The following SMARCA2 variants were observed in gnomAD, a reference collection of about 807,000 sequenced individuals.
SMARCA2 encodes the protein SWI/SNF related BAF chromatin remodeling complex subunit ATPase 2.
In SMARCA2, 61 loss-of-function variants were observed where a neutral mutation model predicts 199.8. The observed-to-expected ratio is 0.31, with a 90% CI of 0.25 to 0.38. SMARCA2 has a LOEUF of 0.38. Among genes scored for constraint, SMARCA2 ranks in the 10% least tolerant of loss-of-function variants. The pLI is 1.00. For synonymous variants in SMARCA2, 935 were observed against 732.0 expected, an observed-to-expected ratio of 1.28 and a Z score of -4.48; for missense variants, 1,344 against 2,012.2, an observed-to-expected ratio of 0.67 and a Z score of 6.35.
In SMARCA2 at chr9:2,149,047, C is replaced by A. The variant is rs544069917; in HGVS notation, c.3982-12639C>A. Among the ~76,000 whole-genome samples, 67 of 151,088 alleles carry A rather than the reference C, an allele frequency of 4.4e-4. 1 individual carries two copies. The highest frequency in any genetic ancestry group is 1.5e-3 in the African/African-American group (61 of 41,016). On this transcript the variant is annotated intron_variant, in intron 27 of 33. Transcript: ENST00000349721. ...TAGCTAAGTGTGTTTATTAGTAAAA[C>A]CTGCCTGTATTAGTCTGTTTTCACA...
chr9:2,162,955 A>G (rs906163359), intron 28 of SMARCA2: 1 of 152,266 alleles, frequency 6.6e-6, no homozygotes, highest in Non-Finnish European at 1.5e-5. Context: ...AGAAGCAGTT[A>G]GTTACCAGAA....
chr9:2,044,799 G>A (rs1011258095), intron 4 of SMARCA2: 5 of 152,318 alleles, frequency 3.3e-5, no homozygotes, highest in African/African-American at 1.2e-4. Context: ...TTAAATTGGA[G>A]ACTGGAATAT....
chr9:2,099,483 TC>T (rs776350769), intron 21 of SMARCA2, among the ~76,000 whole-genome samples: 1 of 152,102 alleles, frequency 6.6e-6, no homozygotes, highest in Admixed American at 6.6e-5. Context: ...ATGCCTTCTG[TC>T]CTCCAGCTTC....
At chr9:2,179,012 G>T (rs906643001) in intron 29 of SMARCA2, among the ~76,000 whole-genome samples, 1 of 152,198 alleles carries the variant, frequency 6.6e-6, no homozygotes, top group Non-Finnish European at 1.5e-5. Flanking sequence ...ATATTTAGGA[G>T]AATTTCCTCC....
intron 4 of SMARCA2, chr9:2,041,569 G>C (rs962582281): frequency 1.0e-5 from 4 of 395,214 alleles, no homozygotes; most frequent in African/African-American, 8.2e-5. Flanking sequence ...TGGGAATTAG[G>C]ATTTTAACAT....
intron 31 of SMARCA2, among the ~76,000 whole-genome samples, chr9:2,184,952 C>A (rs1181157503): frequency 6.6e-6 from 1 of 152,050 alleles, no homozygotes; most frequent in African/African-American, 2.4e-5. Context: ...CTTTTTTGAA[C>A]GAGTAGGTCT....
At chr9:2,120,085 C>A (rs1249221953) in intron 26 of SMARCA2, among the ~76,000 whole-genome samples, 1 of 152,190 alleles carries the variant, frequency 6.6e-6, no homozygotes, top group Non-Finnish European at 1.5e-5. Context: ...TTGACGAGAG[C>A]CCGCTTAAAT....
chr9:2,084,122 C>G lies in SMARCA2; in HGVS notation c.2452C>G (p.Leu818Val). ...CATGCGTCGCTCCCTTGTCCCCCAG[C>G]TACGGAGTGGCAAATTCAATGTCCT... is the stretch of plus-strand genomic sequence containing the variant. The part of the protein sequence containing the change: ...PAMRRSLVPQ[L>V]RSGKFNVLLT... The change falls in exon 17 of 34, where the codon CTA becomes GTA. Residue 818 changes from leucine to valine, a missense_variant. Physicochemically the swap from Leu to Val is conservative, Grantham distance 32 (BLOSUM62 1). Coordinates refer to ENST00000349721, the MANE Select transcript of SMARCA2 (RefSeq NM_003070.5). 1.2e-6 allele frequency: 2 copies of G among 1,612,796 alleles called. No individual in the cohort carries two copies. Among genetic ancestry groups the G allele is most frequent in the Non-Finnish European group, 1.7e-6 (2 of 1,178,830 alleles).
intron 26 of SMARCA2, among the ~76,000 whole-genome samples, chr9:2,120,747 G>A (rs1268327998): frequency 6.6e-6 from 1 of 152,048 alleles, no homozygotes; most frequent in Non-Finnish European, 1.5e-5. Context: ...CTACTAAACT[G>A]GAATATGCAC....
At chr9:2,172,887 C>A (rs570448017) in intron 29 of SMARCA2, among the ~76,000 whole-genome samples, 1 of 152,032 alleles carries the variant, frequency 6.6e-6, no homozygotes, top group Non-Finnish European at 1.5e-5. Context: ...GATTTGTGTT[C>A]GGAAATGTCA....
chr9:2,081,759 C>A, intron 14 of SMARCA2, 73 bp from the exon 15 acceptor site: 1 of 1,405,392 alleles, frequency 7.1e-7, no homozygotes. Flanking sequence ...AAGTCACACC[C>A]TCACTTGGGT....
rs78474723 is a variant in SMARCA2, at chr9:2,178,060, A to T, written c.4254-3511A>T. 2.9e-3 allele frequency among the ~76,000 whole-genome samples: 422 copies of T among 147,358 alleles called. 1 individual carries two copies. Among genetic ancestry groups the T allele is most frequent in the African/African-American group, 0.01 (403 of 39,682 alleles). Reference sequence around the variant, plus strand: ...TCCCAGATGAAGCATAACAAATTAAATCTCAGTAGTGTGTGTATATAAGCC... The same window carrying T: ...TCCCAGATGAAGCATAACAAATTAATTCTCAGTAGTGTGTGTATATAAGCC... On this transcript the variant is annotated intron_variant, in intron 29 of 33. Transcript: ENST00000349721.
intron 32 of SMARCA2, among the ~76,000 whole-genome samples, chr9:2,190,780 C>A (rs1210495182): frequency 6.6e-6 from 1 of 152,050 alleles, no homozygotes; most frequent in East Asian, 1.9e-4. Flanking sequence ...TTTTTACTTT[C>A]CATTTTGTAC....
rs1469514689 is a variant in SMARCA2, at chr9:2,115,252, C to G, written c.3457-570C>G. On this transcript the variant is annotated intron_variant, in intron 24 of 33. Coordinates refer to ENST00000349721, the MANE Select transcript of SMARCA2 (RefSeq NM_003070.5). This position sits in a 1 kb window ranked among gnomAD's most constrained non-coding sequence, Gnocchi z 6.0. ...GTTTACCAGTTGACTACCCAACTAG[C>G]AATCCTTTTGATTTCCCAGATTGAA... Among the ~76,000 whole-genome samples, 1 of 152,168 alleles carries G rather than the reference C, an allele frequency of 6.6e-6. No individual in the cohort carries two copies. The highest frequency in any genetic ancestry group is 1.5e-5 in the Non-Finnish European group (1 of 68,024).
chr9:2,168,877 C>T (rs190244394), intron 28 of SMARCA2, among the ~76,000 whole-genome samples: 51 of 152,256 alleles, frequency 3.3e-4, no homozygotes, highest in Admixed American at 6.5e-4. Context: ...TTGTAATCTG[C>T]GTCAGTCTTA....
chr9:2,028,654 G>A (rs1818933256), intron 1 of SMARCA2, among the ~76,000 whole-genome samples: 2 of 152,194 alleles, frequency 1.3e-5, no homozygotes. Flanking sequence ...GTAATGGAGA[G>A]CATCTGTTGA....
At chr9:2,041,039 C>T (rs1315435643) in intron 4 of SMARCA2, 1 of 254,712 alleles carries the variant, frequency 3.9e-6, no homozygotes, top group African/African-American at 2.2e-5. Context: ...CAAGTTCTGA[C>T]ATGCAGGTTG....
chr9:2,132,620 A>C (rs901216319), intron 27 of SMARCA2, among the ~76,000 whole-genome samples: 2 of 152,146 alleles, frequency 1.3e-5, no homozygotes, highest in Non-Finnish European at 1.5e-5. Context: ...TAACTTTTAA[A>C]ATTGGGTCAT....
At chr9:2,113,325 TG>T (rs1823084323) in intron 24 of SMARCA2, among the ~76,000 whole-genome samples, 1 of 152,262 alleles carries the variant, frequency 6.6e-6, no homozygotes, top group African/African-American at 2.4e-5. Flanking sequence ...AAACATGGGT[TG>T]GTACTCGTGT....
Sources: gnomAD v4.1 joint callset for allele counts (sites outside exome capture counted in the v4.1 genomes callset) on GRCh38, gnomAD v4.1.1 for gene constraint, Gnocchi (gnomAD v3.1) non-coding constraint, MANE v1.5 for transcripts, NCBI Gene and HGNC (gene_info 2026-07-23, HGNC 2026-07-21) for gene names.